The following CECR2 variants were observed in gnomAD, a reference collection of about 807,000 sequenced individuals.
The protein encoded by CECR2 is CECR2 histone acetyl-lysine reader, also known as chromatin remodeling regulator CECR2.
Under a neutral mutation model 154.5 loss-of-function variants are expected in CECR2, and 30 were observed. The ratio of observed to expected loss-of-function variants is 0.19; its 90% CI spans 0.15 to 0.26. The LOEUF is 0.26. Ranked by LOEUF, CECR2 falls within the 10% of genes least tolerant of loss-of-function variation. The pLI is 1.00. For missense variants in CECR2, 1,743 were observed against 1,829.3 expected, an observed-to-expected ratio of 0.95 and a Z score of 0.86; for synonymous variants, 725 against 683.7, an observed-to-expected ratio of 1.06 and a Z score of -0.94.
intron 1 of CECR2, among the ~76,000 whole-genome samples, chr22:17,382,474 GTGAATATTGCAGTAAAGTGAGTCACATGA>G (rs2063209611): frequency 6.6e-6 from 1 of 152,122 alleles, no homozygotes; most frequent in Admixed American, 6.5e-5. Context: ...TTGCCATAAG[GTGAATATTGCAGTAAAGTGAGTCACATGA>G]AATTTTTGGT....
At chr22:17,468,914 A>G (rs1169502329) in intron 1 of CECR2, among the ~76,000 whole-genome samples, 2 of 151,964 alleles carry the variant, frequency 1.3e-5, no homozygotes, top group African/African-American at 4.8e-5. Flanking sequence ...TTGTCATCCC[A>G]TGGCGGGAGG....
At chr22:17,472,413 T>C (rs554499739) in intron 1 of CECR2, among the ~76,000 whole-genome samples, 12 of 152,216 alleles carry the variant, frequency 7.9e-5, no homozygotes, top group Non-Finnish European at 1.3e-4. Flanking sequence ...GGACAGTCCT[T>C]CAAGAGGCCT....
At chr22:17,401,744 A>G (rs2053895433) in intron 1 of CECR2, among the ~76,000 whole-genome samples, 1 of 151,964 alleles carries the variant, frequency 6.6e-6, no homozygotes, top group Non-Finnish European at 1.5e-5. Context: ...TTTGTGTACC[A>G]TTCTTTAGAC....
chr22:17,400,696 CA>C (rs2053878808), intron 1 of CECR2, among the ~76,000 whole-genome samples: 1 of 152,144 alleles, frequency 6.6e-6, no homozygotes, highest in Non-Finnish European at 1.5e-5. Context: ...GCTGCTTATC[CA>C]GGTAATTGGG....
In CECR2 at chr22:17,385,684, G is replaced by T. The variant is rs369072858; in HGVS notation, c.126+15775G>T. On this transcript the variant is annotated intron_variant, in intron 1 of 18. Transcript: ENST00000262608. Reference sequence around the variant, plus strand: ...AAAATGCAACACAGAGACATGAAGTGAGCACATACTGTTGGAAAAATGGCC... The same window carrying T: ...AAAATGCAACACAGAGACATGAAGTTAGCACATACTGTTGGAAAAATGGCC... Among the ~76,000 whole-genome samples, 27 of 152,314 alleles carry T rather than the reference G, an allele frequency of 1.8e-4. 1 individual carries two copies. In the East Asian group the frequency reaches 3.1e-3, roughly 17 times the overall value.
chr22:17,457,050 A>G (rs2054864649), intron 1 of CECR2, among the ~76,000 whole-genome samples: 2 of 152,178 alleles, frequency 1.3e-5, no homozygotes, highest in African/African-American at 4.8e-5. Context: ...TTGAGACAGA[A>G]TTTCTCGCTC....
In CECR2 at chr22:17,554,920, G is replaced by A. The variant is rs959089978; in HGVS notation, c.*2080G>A. On this transcript the variant is annotated 3_prime_UTR_variant, in exon 19 of 19. Transcript: ENST00000262608. ...GAGGTAAAAAGCTAGTTTGGAGCTG[G>A]TTAGACCTGGTCTAGGCCCAGAGAA... The A allele has an allele frequency of 6.6e-6, 1 of 152,250 alleles. No individual in the cohort carries two copies. The highest frequency in any genetic ancestry group is 1.5e-5 in the Non-Finnish European group (1 of 68,068). 9.4% of individuals were successfully genotyped at this position (152,250 alleles called of 1,614,324 possible). A position where few individuals can be genotyped will look rare whatever the true frequency, so the allele number is the denominator to read the frequency against.
chr22:17,446,829 C>A (rs945274000), intron 1 of CECR2, among the ~76,000 whole-genome samples: 1 of 152,126 alleles, frequency 6.6e-6, no homozygotes. Flanking sequence ...AGCAGGTTGC[C>A]GCTGTGAGGT....
At chr22:17,404,432 G>A (rs1286030560) in intron 1 of CECR2, among the ~76,000 whole-genome samples, 1 of 97,378 alleles carries the variant, frequency 1.0e-5, no homozygotes, top group African/African-American at 4.8e-5. Flanking sequence ...GGAGTGCAGT[G>A]GCGGGATCTC....
chr22:17,525,277 C>CT (rs1437233445), intron 9 of CECR2, among the ~76,000 whole-genome samples: 2 of 41,494 alleles, frequency 4.8e-5, no homozygotes, highest in African/African-American at 1.2e-4. Context: ...AAGAGTGAAA[C>CT]TCCATCTCCA....
rs775332555 is a variant in CECR2 at position 17,497,592 on chromosome 22, C to G, written c.405+6C>G. Reference sequence around the variant, plus strand: ...ATGTCTTCGATCTTCTAAAGGTATGCTTAACTGGCGAACCTTTCCCTGTAG... The same window carrying G: ...ATGTCTTCGATCTTCTAAAGGTATGGTTAACTGGCGAACCTTTCCCTGTAG... On this transcript the variant is annotated splice_donor_region_variant and intron_variant, in intron 3 of 18. Transcript: ENST00000262608. The G allele has an allele frequency of 5.0e-6, 8 of 1,612,300 alleles. No homozygotes were observed. Among genetic ancestry groups the G allele is most frequent in the African/African-American group, 1.3e-5 (1 of 74,874 alleles).
chr22:17,450,455 G>T (rs2054750679), intron 1 of CECR2, among the ~76,000 whole-genome samples: 1 of 152,106 alleles, frequency 6.6e-6, no homozygotes, highest in South Asian at 2.1e-4. Flanking sequence ...ATTTTTAGTA[G>T]AAACAGGTTT....
At chr22:17,363,167 G>A (rs1485489343) in intron 1 of CECR2, among the ~76,000 whole-genome samples, 2 of 150,000 alleles carry the variant, frequency 1.3e-5, no homozygotes, top group African/African-American at 2.4e-5. Flanking sequence ...CTTCTGCCTT[G>A]ACTTACCGAG....
intron 1 of CECR2, among the ~76,000 whole-genome samples, chr22:17,414,264 G>T (rs549104427): frequency 6.6e-6 from 1 of 152,194 alleles, no homozygotes; most frequent in Non-Finnish European, 1.5e-5. Context: ...GAGCCACTGC[G>T]CCCGGCGGAA....
intron 1 of CECR2, among the ~76,000 whole-genome samples, chr22:17,427,433 G>A (rs1025570778): frequency 2.0e-5 from 3 of 152,038 alleles, no homozygotes; most frequent in Non-Finnish European, 4.4e-5. Flanking sequence ...TCCTTCTGGT[G>A]GGTTCTTGGT....
At chr22:17,457,184 C>CA (rs2054867427) in intron 1 of CECR2, among the ~76,000 whole-genome samples, 1 of 152,242 alleles carries the variant, frequency 6.6e-6, no homozygotes, top group Admixed American at 6.5e-5. Context: ...TACGCCACCA[C>CA]GCCTGGCTAA....
upstream of CECR2, among the ~76,000 whole-genome samples, chr22:17,369,112 A>C (rs2063022496): frequency 6.6e-6 from 1 of 151,948 alleles, no homozygotes; most frequent in Non-Finnish European, 1.5e-5. Flanking sequence ...GACCGAAAGG[A>C]CCACCCCGCG....
At chr22:17,523,237 G>A (rs1363224965) in intron 8 of CECR2, among the ~76,000 whole-genome samples, 1 of 151,954 alleles carries the variant, frequency 6.6e-6, no homozygotes, top group South Asian at 2.1e-4. Context: ...ACAAAAATTA[G>A]CTGGGCGTGG....
chr22:17,496,423 C>G (rs1043769573), intron 2 of CECR2, among the ~76,000 whole-genome samples: 1 of 151,774 alleles, frequency 6.6e-6, no homozygotes, highest in Non-Finnish European at 1.5e-5. Flanking sequence ...TGGCATGAAC[C>G]CGGGAGGTGG....
Sources: gnomAD v4.1 joint callset for allele counts (sites outside exome capture counted in the v4.1 genomes callset) on GRCh38, gnomAD v4.1.1 for gene constraint, MANE v1.5 for transcripts, NCBI Gene and HGNC (gene_info 2026-07-23, HGNC 2026-07-21) for gene names.